The following GRHL2 variants were observed in gnomAD, a reference collection of about 807,000 sequenced individuals.
The protein encoded by GRHL2 is grainyhead like transcription factor 2.
GRHL2 carries 21 observed loss-of-function variants against 83.8 expected under a neutral mutation model. The observed-to-expected ratio is 0.25, with a 90% CI of 0.18 to 0.36. The LOEUF (loss-of-function observed/expected upper bound fraction) is 0.36. GRHL2 is among the 10% of genes least tolerant of loss of function. The probability of loss-of-function intolerance (pLI) is 1.00; values close to 1 mark genes in which losing one functional copy is unlikely to be tolerated. For synonymous variants in GRHL2, 280 were observed against 278.9 expected, an observed-to-expected ratio of 1.00 and a Z score of -0.04; for missense variants, 623 against 781.8, an observed-to-expected ratio of 0.80 and a Z score of 2.42.
At chr8:101,671,839 C>T (rs141396027), downstream of GRHL2, among the ~76,000 whole-genome samples, 6,082 of 152,310 alleles carry the variant, frequency 0.04, 163 homozygotes, top group South Asian at 0.086. Context: ...TGAGACAAAA[C>T]TTTCAGAGGA....
chr8:101,639,854 T>C (rs1447970332), intron 12 of GRHL2, among the ~76,000 whole-genome samples: 1 of 152,244 alleles, frequency 6.6e-6, no homozygotes, highest in Non-Finnish European at 1.5e-5. Flanking sequence ...TTCTTTCCTC[T>C]CCCTGCCACG....
chr8:101,532,019 A>C (rs1259909965), intron 1 of GRHL2, among the ~76,000 whole-genome samples: 2 of 152,254 alleles, frequency 1.3e-5, no homozygotes, highest in Non-Finnish European at 2.9e-5. Context: ...TTTCCCGAGC[A>C]TAGCCATCTT....
intron 14 of GRHL2, 148 bp from the exon 15 acceptor site, chr8:101,664,306 T>A: frequency 1.5e-6 from 1 of 656,704 alleles, no homozygotes; most frequent in Non-Finnish European, 2.8e-6. Context: ...GAGAGGCTCA[T>A]AAATGAGTGT....
intron 7 of GRHL2, among the ~76,000 whole-genome samples, chr8:101,594,609 T>C (rs1346539223): frequency 2.0e-5 from 3 of 152,232 alleles, no homozygotes; most frequent in Non-Finnish European, 2.9e-5. Flanking sequence ...ACTTTGAGAG[T>C]CGTGAAGTGG....
chr8:101,558,404 G>T lies in GRHL2; in HGVS notation c.285-15G>T, dbSNP rs545089001. 2 of 1,613,892 alleles carry T rather than the reference G, an allele frequency of 1.2e-6. No individual in the cohort carries two copies. The highest frequency in any genetic ancestry group is 2.2e-5 in the East Asian group (1 of 44,878). ...TTTCTAATTCTATCATGTTGCGGGGGGTTTCAACACACAGAAACTGCCTTG... is the reference window on the plus strand; with the variant it reads ...TTTCTAATTCTATCATGTTGCGGGGTGTTTCAACACACAGAAACTGCCTTG... On this transcript the variant is annotated splice_polypyrimidine_tract_variant and intron_variant, in intron 3 of 15. Transcript: ENST00000646743.
At chr8:101,494,988 T>C (rs1176082399) in intron 1 of GRHL2, among the ~76,000 whole-genome samples, 1 of 152,208 alleles carries the variant, frequency 6.6e-6, no homozygotes, top group Non-Finnish European at 1.5e-5. Flanking sequence ...CATTGGGCTG[T>C]TGAAAATGCT....
intron 14 of GRHL2, among the ~76,000 whole-genome samples, chr8:101,657,859 A>G (rs1364534352): frequency 6.6e-6 from 1 of 152,050 alleles, no homozygotes. Flanking sequence ...AAAAAGAAAA[A>G]AAGAAAAACA....
intron 1 of GRHL2, among the ~76,000 whole-genome samples, chr8:101,511,442 A>C (rs1338953158): frequency 6.6e-6 from 1 of 152,154 alleles, no homozygotes; most frequent in Non-Finnish European, 1.5e-5. Context: ...CCTGGGTTCA[A>C]GTGATTCCTC....
chr8:101,531,052 G>A (rs1035384624), intron 1 of GRHL2, among the ~76,000 whole-genome samples: 1 of 151,924 alleles, frequency 6.6e-6, no homozygotes, highest in Non-Finnish European at 1.5e-5. Flanking sequence ...GCAATGTAGG[G>A]AGACCTTGTC....
intron 8 of GRHL2, among the ~76,000 whole-genome samples, chr8:101,613,123 G>A (rs1812785192): frequency 6.6e-6 from 1 of 150,586 alleles, no homozygotes. Flanking sequence ...TGATCTGCAG[G>A]GACAGCACAG....
intron 14 of GRHL2, among the ~76,000 whole-genome samples, chr8:101,661,941 T>C (rs940395348): frequency 1.3e-5 from 2 of 152,242 alleles, no homozygotes; most frequent in Admixed American, 1.3e-4. Flanking sequence ...GTCTTTCTTC[T>C]TTTCCGTCAT....
intron 7 of GRHL2, among the ~76,000 whole-genome samples, chr8:101,578,486 C>A (rs1049867486): frequency 3.9e-5 from 6 of 152,172 alleles, no homozygotes; most frequent in Non-Finnish European, 7.3e-5. Flanking sequence ...GCAGAATCAA[C>A]CTCTGAGATG....
At chr8:101,581,842 C>CTAGGGCATGTGAGG (rs1373186644) in intron 7 of GRHL2, among the ~76,000 whole-genome samples, 32 of 152,174 alleles carry the variant, frequency 2.1e-4, no homozygotes, top group Non-Finnish European at 4.0e-4. Flanking sequence ...GTTTCTGAGA[C>CTAGGGCATGTGAGG]TCATCTGAAA....
chr8:101,528,499 A>G (rs932069920), intron 1 of GRHL2, among the ~76,000 whole-genome samples: 2 of 152,038 alleles, frequency 1.3e-5, no homozygotes, highest in Non-Finnish European at 2.9e-5. Flanking sequence ...TGGAACATCA[A>G]TAAGTCAAAT....
chr8:101,576,350 GACTTCAGA>G lies in GRHL2; in HGVS notation c.892-1057_892-1050del, dbSNP rs562446774. ...CTGTCTCAGCCTTCCAAGTAGCTGG[GACTTCAGA>G]CGTGCACCACCATGCCTGGCTTTTT... is the stretch of plus-strand genomic sequence containing the variant. On this transcript the variant is annotated intron_variant, in intron 6 of 15. Transcript: ENST00000646743. Among the ~76,000 whole-genome samples, 980 of 152,218 alleles carry G rather than the reference GACTTCAGA, an allele frequency of 6.4e-3. 11 individuals are homozygous for G. Among genetic ancestry groups the G allele is most frequent in the African/African-American group, 0.022 (924 of 41,538 alleles).
chr8:101,614,723 G>T (rs1408475256), intron 8 of GRHL2, among the ~76,000 whole-genome samples: 4 of 152,196 alleles, frequency 2.6e-5, no homozygotes, highest in Admixed American at 6.5e-5. Context: ...ACATGGTTGG[G>T]TTTGCAAGAT....
intron 14 of GRHL2, among the ~76,000 whole-genome samples, chr8:101,656,348 C>T (rs1273863540): frequency 2.6e-5 from 4 of 152,174 alleles, no homozygotes; most frequent in Admixed American, 1.3e-4. Context: ...TTTATAATAT[C>T]CCCATGAACA....
At position 101,657,025 on chromosome 8, in the gene GRHL2, A is replaced by G. The variant is rs76645430; in HGVS notation, c.1699-7429A>G. Among the ~76,000 whole-genome samples, 383 of 152,308 alleles carry G rather than the reference A, an allele frequency of 2.5e-3. 2 individuals carry two copies. The highest frequency in any genetic ancestry group is 4.5e-3 in the Non-Finnish European group (308 of 68,022). On this transcript the variant is annotated intron_variant, in intron 14 of 15. Coordinates refer to ENST00000646743, the MANE Select transcript of GRHL2 (RefSeq NM_024915.4). Reference sequence around the variant, plus strand: ...ATGAAGCTAGCTGATGTCTACAAAGAAAAAGGTCGCTCATGGCCTTAGTAG... The same window carrying G: ...ATGAAGCTAGCTGATGTCTACAAAGGAAAAGGTCGCTCATGGCCTTAGTAG...
rs1308971879 is a variant in GRHL2 at position 101,514,529 on chromosome 8, T to C, written c.20+21740T>C. On this transcript the variant is annotated intron_variant, in intron 1 of 15. Coordinates refer to ENST00000646743, the MANE Select transcript of GRHL2 (RefSeq NM_024915.4). The stretch of plus-strand genomic sequence containing the variant: ...CTCAAAGCCCTAGGAGTCCTTTATT[T>C]TGTGCCATCAGAGGAGTCCTGCATC... Among the ~76,000 whole-genome samples the C allele has an allele frequency of 2.0e-5, 3 of 152,294 alleles. No homozygotes were observed. The East Asian group carries it at 5.8e-4, about 29-fold the overall frequency.
Sources: allele counts gnomAD v4.1 joint callset (sites outside exome capture counted in the v4.1 genomes callset), GRCh38; gene constraint gnomAD v4.1.1; transcripts MANE v1.5; gene names NCBI Gene and HGNC (gene_info 2026-07-23, HGNC 2026-07-21).